Variants in ADK observed in about 807,000 individuals in gnomAD.
ADK encodes the protein adenosine kinase, also known as N6,N6-dimethyladenosine kinase.
Under a neutral mutation model 44.7 loss-of-function variants are expected in ADK, and 24 were observed. The ratio of observed to expected loss-of-function variants is 0.54; its 90% CI spans 0.39 to 0.76. ADK has a LOEUF of 0.76. ADK is among the 30% of genes least tolerant of loss of function. The pLI, the probability that ADK is intolerant of heterozygous loss-of-function variation, is 0.00. For missense variants in ADK, 321 were observed against 425.1 expected, an observed-to-expected ratio of 0.76 and a Z score of 2.15; for synonymous variants, 128 against 142.6, an observed-to-expected ratio of 0.90 and a Z score of 0.73.
Position 74,524,249 on chromosome 10 carries a change from A to G in ADK, c.556-1007A>G, listed in dbSNP as rs184325260. ...TGCAGCTTTCCTGACATGAAATTTTAAAGAAATTTAAAGAAAATTTTAAAG... is the reference window on the plus strand; with the variant it reads ...TGCAGCTTTCCTGACATGAAATTTTGAAGAAATTTAAAGAAAATTTTAAAG... On this transcript the variant is annotated intron_variant, in intron 6 of 10. Coordinates refer to ENST00000539909, the MANE Select transcript of ADK (RefSeq NM_006721.4). 5.2e-3 allele frequency among the ~76,000 whole-genome samples: 785 copies of G among 152,362 alleles called. 1 individual carries two copies. Among genetic ancestry groups the G allele is most frequent in the Admixed American group, 8.1e-3 (124 of 15,302 alleles).
chr10:74,244,147 T>C (rs1398552177), intron 3 of ADK, among the ~76,000 whole-genome samples: 1 of 152,234 alleles, frequency 6.6e-6, no homozygotes, highest in Non-Finnish European at 1.5e-5. Flanking sequence ...TATATTTTTC[T>C]TGGTAACCAA....
chr10:74,428,907 A>G (rs929883928), intron 6 of ADK, among the ~76,000 whole-genome samples: 4 of 152,252 alleles, frequency 2.6e-5, no homozygotes, highest in African/African-American at 7.2e-5. Context: ...CCTGAGAAGT[A>G]CACAACATCA....
chr10:74,625,110 T>A (rs1469929594), intron 9 of ADK, among the ~76,000 whole-genome samples: 1 of 152,142 alleles, frequency 6.6e-6, no homozygotes, highest in African/African-American at 2.4e-5. Flanking sequence ...CAAAAACTCC[T>A]TTTCTTGAAA....
At chr10:74,611,106 C>T (rs938854332) in intron 9 of ADK, among the ~76,000 whole-genome samples, 4 of 152,112 alleles carry the variant, frequency 2.6e-5, no homozygotes, top group African/African-American at 9.7e-5. Context: ...TGGCTCACTG[C>T]AACCTCAACC....
chr10:74,487,504 A>C (rs1447102322), intron 6 of ADK, among the ~76,000 whole-genome samples: 1 of 151,364 alleles, frequency 6.6e-6, no homozygotes, highest in Non-Finnish European at 1.5e-5. Context: ...AGGATGGTAG[A>C]ATTTGCCAGT....
At chr10:74,704,410 A>G (rs1856528810) in intron 10 of ADK, among the ~76,000 whole-genome samples, 1 of 152,220 alleles carries the variant, frequency 6.6e-6, no homozygotes, top group Non-Finnish European at 1.5e-5. Flanking sequence ...ATTCCCTACA[A>G]TTATTTAAAT....
chr10:74,688,129 A>C (rs920441317), intron 10 of ADK, among the ~76,000 whole-genome samples: 1 of 152,172 alleles, frequency 6.6e-6, no homozygotes, highest in Non-Finnish European at 1.5e-5. Context: ...GGCCTTAGAC[A>C]CTTTGTACAG....
intron 6 of ADK, among the ~76,000 whole-genome samples, chr10:74,459,178 G>T (rs1846066660): frequency 1.3e-5 from 2 of 152,010 alleles, no homozygotes; most frequent in South Asian, 4.2e-4. Flanking sequence ...TACTTGGGAG[G>T]CTGAGGCAGG....
At chr10:74,336,916 C>A (rs1841428752) in intron 4 of ADK, among the ~76,000 whole-genome samples, 1 of 152,154 alleles carries the variant, frequency 6.6e-6, no homozygotes, top group Non-Finnish European at 1.5e-5. Context: ...CAACAACTAT[C>A]CATTTCCCCC....
rs57852507 is a variant in ADK, at chr10:74,210,330, G to GAAAAAAAA, written c.140+9506_140+9513dup. Among the ~76,000 whole-genome samples the GAAAAAAAA allele has an allele frequency of 7.1e-5, 6 of 84,882 alleles. 1 individual carries two copies. The highest frequency in any genetic ancestry group is 0.024 in the Middle Eastern group (2 of 82). 55.7% of individuals were successfully genotyped at this position (84,882 alleles called of 152,430 possible). A position where few individuals can be genotyped will look rare whatever the true frequency, so the allele number is the denominator to read the frequency against. ...GCGACAGAGTGAGACTCCATCTCAG[G>GAAAAAAAA]AAAAAAAAAAAAAAAAAAAAATAGA... On this transcript the variant is annotated intron_variant, in intron 2 of 10. Transcript: ENST00000539909.
At chr10:74,303,520 T>G (rs1192695647) in intron 3 of ADK, among the ~76,000 whole-genome samples, 1 of 150,996 alleles carries the variant, frequency 6.6e-6, no homozygotes, top group East Asian at 1.9e-4. Flanking sequence ...TTTCTTTATT[T>G]GTAGTATTTG....
At chr10:74,191,365 A>G (rs1842945420) in intron 1 of ADK, among the ~76,000 whole-genome samples, 1 of 151,696 alleles carries the variant, frequency 6.6e-6, no homozygotes, top group Non-Finnish European at 1.5e-5. Context: ...ATTCCCAATG[A>G]TGTCACCCAA....
At chr10:74,441,889 C>T (rs1026398969) in intron 6 of ADK, among the ~76,000 whole-genome samples, 2 of 152,084 alleles carry the variant, frequency 1.3e-5, no homozygotes, top group African/African-American at 4.8e-5. Flanking sequence ...AAAATGAGCC[C>T]AGGACCTGAA....
At chr10:74,372,733 A>G (rs958784129) in intron 4 of ADK, among the ~76,000 whole-genome samples, 1 of 152,186 alleles carries the variant, frequency 6.6e-6, no homozygotes, top group African/African-American at 2.4e-5. Flanking sequence ...TTAAATGTTG[A>G]TATTTTGAAA....
At chr10:74,650,738 C>A (rs376857573) in intron 9 of ADK, among the ~76,000 whole-genome samples, 9 of 152,064 alleles carry the variant, frequency 5.9e-5, no homozygotes, top group Non-Finnish European at 1.3e-4. Flanking sequence ...GTACTGACAG[C>A]GATATCATGC....
At chr10:74,488,151 A>G (rs925320028) in intron 6 of ADK, among the ~76,000 whole-genome samples, 1 of 151,986 alleles carries the variant, frequency 6.6e-6, no homozygotes, top group African/African-American at 2.4e-5. Flanking sequence ...CAAAAATGCC[A>G]CTGTCATGAA....
intron 4 of ADK, among the ~76,000 whole-genome samples, chr10:74,369,639 C>T (rs1250081785): frequency 1.3e-5 from 2 of 152,118 alleles, no homozygotes. Context: ...GAGGAACTTC[C>T]TCAACCTGAT....
intron 1 of ADK, among the ~76,000 whole-genome samples, chr10:74,169,355 A>G (rs1842106982): frequency 6.6e-6 from 1 of 152,228 alleles, no homozygotes; most frequent in African/African-American, 2.4e-5. Flanking sequence ...AGTGATATTC[A>G]CTTCTATAGT....
At chr10:74,288,478 C>T (rs1174439873) in intron 3 of ADK, among the ~76,000 whole-genome samples, 1 of 152,006 alleles carries the variant, frequency 6.6e-6, no homozygotes, top group Admixed American at 6.6e-5. Context: ...AGCGAAACCC[C>T]ATCTCTACCA....
Sources: allele counts gnomAD v4.1 joint callset (sites outside exome capture counted in the v4.1 genomes callset), GRCh38; gene constraint gnomAD v4.1.1; transcripts MANE v1.5; gene names NCBI Gene and HGNC (gene_info 2026-07-23, HGNC 2026-07-21).